ATP2B2: variants seen among roughly 807,000 people sequenced by gnomAD.
ATP2B2 encodes plasma membrane calcium-transporting ATPase 2.
Under a neutral mutation model 120.0 loss-of-function variants are expected in ATP2B2, and 15 were observed. The ratio of observed to expected loss-of-function variants is 0.12; its 90% CI spans 0.08 to 0.19. The LOEUF is 0.19. Ranked by LOEUF, ATP2B2 falls within the 10% of genes least tolerant of loss-of-function variation. ATP2B2 has a pLI of 1.00. For missense variants in ATP2B2, 1,045 were observed against 1,719.8 expected (o/e 0.61, Z 6.94); for synonymous variants, 694 against 700.3 (o/e 0.99, Z 0.14).
chr3:10,554,609 A>G (rs916732503), intron 2 of ATP2B2, among the ~76,000 whole-genome samples: 1 of 152,188 alleles, frequency 6.6e-6, no homozygotes, highest in African/African-American at 2.4e-5. Context: ...CTCTGCCTCG[A>G]TTTCAGCCCG....
chr3:10,603,228 G>C (rs1205091394), intron 2 of ATP2B2, among the ~76,000 whole-genome samples: 2 of 152,194 alleles, frequency 1.3e-5, no homozygotes, highest in Non-Finnish European at 2.9e-5. Context: ...CATCCCCCTG[G>C]GGTAGAGGCC....
chr3:10,475,353 A>G (rs1050934053), intron 1 of ATP2B2, among the ~76,000 whole-genome samples: 29 of 152,122 alleles, frequency 1.9e-4, no homozygotes, highest in African/African-American at 6.8e-4. Context: ...CTGGGCTACT[A>G]TTGCTCTGTC....
chr3:10,648,154 G>A (rs971367103), intron 1 of ATP2B2, among the ~76,000 whole-genome samples: 1 of 152,138 alleles, frequency 6.6e-6, no homozygotes, highest in South Asian at 2.1e-4. Context: ...CCAGCTGGTT[G>A]CCCTTGAACT....
rs77961908 is a variant in ATP2B2 at position 10,416,778 on chromosome 3, T to A, written c.200-5963A>T. 5.9e-5 allele frequency among the ~76,000 whole-genome samples: 9 copies of A among 151,470 alleles called. No homozygotes were observed. The South Asian group carries it at 1.9e-3, about 32-fold the overall frequency. ...TTTTTCTTTTTCTTTTTTTTTTTTT[T>A]AATTAGAAAGTAAACTTTAATGTCG... On this transcript the variant is annotated intron_variant, in intron 2 of 22. Transcript: ENST00000360273.
chr3:10,620,466 G>A (rs1290677256), intron 1 of ATP2B2, among the ~76,000 whole-genome samples: 1 of 152,198 alleles, frequency 6.6e-6, no homozygotes, highest in Admixed American at 6.5e-5. Context: ...CCTGTCATTT[G>A]AGGAGGGTTT....
chr3:10,474,257 G>A (rs750596452), intron 1 of ATP2B2, among the ~76,000 whole-genome samples: 3 of 152,136 alleles, frequency 2.0e-5, no homozygotes, highest in Non-Finnish European at 4.4e-5. Context: ...GGAGAAGGTT[G>A]GGTAGGCATG....
intron 2 of ATP2B2, among the ~76,000 whole-genome samples, chr3:10,534,655 G>C (rs1163529437): frequency 6.6e-6 from 1 of 152,184 alleles, no homozygotes; most frequent in Non-Finnish European, 1.5e-5. Flanking sequence ...TGGAGAGACA[G>C]AGATACTTTC....
chr3:10,547,290 C>T (rs2067568629), intron 2 of ATP2B2, among the ~76,000 whole-genome samples: 1 of 152,192 alleles, frequency 6.6e-6, no homozygotes, highest in African/African-American at 2.4e-5. Context: ...CCTCTCTCCT[C>T]TTTAGGTCTC....
chr3:10,571,768 G>C (rs894430718), intron 2 of ATP2B2, among the ~76,000 whole-genome samples: 1 of 152,172 alleles, frequency 6.6e-6, no homozygotes, highest in East Asian at 1.9e-4. Context: ...AGCATCGTTG[G>C]GTTCCCACTC....
chr3:10,651,843 A>G (rs982580020), intron 1 of ATP2B2, among the ~76,000 whole-genome samples: 4 of 152,108 alleles, frequency 2.6e-5, no homozygotes, highest in African/African-American at 7.2e-5. Flanking sequence ...ACCTTCTGGA[A>G]AGCCTTTGTC....
rs190076185 is a variant in ATP2B2 at position 10,596,579 on chromosome 3, C to T, written c.-415+23338G>A. Among the ~76,000 whole-genome samples the T allele has an allele frequency of 7.2e-5, 11 of 152,296 alleles. No individual in the cohort carries two copies. The East Asian group carries it at 9.6e-4, about 13-fold the overall frequency. Reference sequence around the variant, plus strand: ...AGAGGGAGAAGCTGTCACTGTAGAACGGTTAAGCATCACTTTAGTAGCAAT... The same window carrying T: ...AGAGGGAGAAGCTGTCACTGTAGAATGGTTAAGCATCACTTTAGTAGCAAT... On this transcript the variant is annotated intron_variant, in intron 2 of 21. Transcript: ENST00000646379.
chr3:10,341,956 C>T (rs904456120), intron 19 of ATP2B2, among the ~76,000 whole-genome samples: 33 of 152,364 alleles, frequency 2.2e-4, no homozygotes, highest in African/African-American at 7.7e-4. Flanking sequence ...GCTTTGAGGA[C>T]AAGTGAAAGG....
chr3:10,577,639 G>T (rs564071883), intron 2 of ATP2B2, among the ~76,000 whole-genome samples: 1 of 152,318 alleles, frequency 6.6e-6, no homozygotes, highest in South Asian at 2.1e-4. Context: ...CTGGGAGGGG[G>T]ACTCAGAGAA....
intron 2 of ATP2B2, among the ~76,000 whole-genome samples, chr3:10,591,804 C>A (rs183354409): frequency 6.6e-6 from 1 of 152,186 alleles, no homozygotes; most frequent in African/African-American, 2.4e-5. Context: ...TGCTGAAGGC[C>A]ATTTAAGTAG....
intron 21 of ATP2B2, among the ~76,000 whole-genome samples, 198 bp from the exon 22 acceptor site, chr3:10,338,556 G>C (rs1242967108): frequency 3.3e-5 from 4 of 119,972 alleles, no homozygotes; most frequent in Non-Finnish European, 5.0e-5. Flanking sequence ...TTTTTGAGAT[G>C]GAGTTTCACT....
chr3:10,611,610 G>A (rs1268764471), intron 2 of ATP2B2, among the ~76,000 whole-genome samples: 2 of 152,132 alleles, frequency 1.3e-5, no homozygotes, highest in Non-Finnish European at 2.9e-5. Context: ...TGGGACTCAC[G>A]TGTTCCACTT....
At chr3:10,494,822 A>G (rs2066077055) in intron 1 of ATP2B2, among the ~76,000 whole-genome samples, 1 of 152,142 alleles carries the variant, frequency 6.6e-6, no homozygotes, top group Admixed American at 6.5e-5. Context: ...GGCTACGTAC[A>G]TATCTCGAAT....
rs550638314 is a variant in ATP2B2, at chr3:10,466,360, G to T, written c.-319-16498C>A. 2.6e-5 allele frequency among the ~76,000 whole-genome samples: 4 copies of T among 152,314 alleles called. No homozygotes were observed. In the South Asian group the frequency reaches 8.3e-4, roughly 32 times the overall value. On this transcript the variant is annotated intron_variant, in intron 1 of 22. Coordinates refer to ENST00000360273, the MANE Select transcript of ATP2B2 (RefSeq NM_001001331.4). ...TGTGCAGGCCAGGATGTGTGTGGTTGTGTATAAGCTAGCCTGCACACGTCT... is the reference window on the plus strand; with the variant it reads ...TGTGCAGGCCAGGATGTGTGTGGTTTTGTATAAGCTAGCCTGCACACGTCT...
intron 12 of ATP2B2, among the ~76,000 whole-genome samples, chr3:10,364,720 A>T (rs931694811): frequency 5.3e-5 from 8 of 152,040 alleles, no homozygotes; most frequent in African/African-American, 7.2e-5. Context: ...TGGGGAAAAA[A>T]AATAATAATA....
Sources: gnomAD v4.1 joint callset for allele counts (sites outside exome capture counted in the v4.1 genomes callset) on GRCh38, gnomAD v4.1.1 for gene constraint, MANE v1.5 for transcripts, NCBI Gene and HGNC (gene_info 2026-07-23, HGNC 2026-07-21) for gene names.